The following RIMBP2 variants were observed in gnomAD, a reference collection of about 807,000 sequenced individuals.
RIMBP2 encodes RIMS binding protein 2.
In RIMBP2, 48 loss-of-function variants were observed where a neutral mutation model predicts 118.6. That is an observed-to-expected ratio of 0.40 (90% confidence interval 0.32 to 0.51). The LOEUF is 0.51. RIMBP2 is among the 20% of genes least tolerant of loss of function. The probability of loss-of-function intolerance (pLI) is 0.41; values close to 1 mark genes in which losing one functional copy is unlikely to be tolerated. For synonymous variants in RIMBP2, 762 were observed against 742.9 expected, an observed-to-expected ratio of 1.03 and a Z score of -0.42; for missense variants, 1,551 against 1,768.3, an observed-to-expected ratio of 0.88 and a Z score of 2.20.
intron 9 of RIMBP2, among the ~76,000 whole-genome samples, chr12:130,449,167 TG>T (rs2078785816): frequency 6.6e-6 from 1 of 152,214 alleles, no homozygotes; most frequent in Non-Finnish European, 1.5e-5. Context: ...GGAGCATCTG[TG>T]AGACAAAAGG....
At chr12:130,603,436 G>A (rs1300688533) in intron 2 of RIMBP2, among the ~76,000 whole-genome samples, 39 of 152,310 alleles carry the variant, frequency 2.6e-4, no homozygotes. Flanking sequence ...ACCCAATAGA[G>A]AAATGGATAA....
In RIMBP2 at chr12:130,581,094, C is replaced by T. The variant is rs2058452358; in HGVS notation, c.-217+47228G>A. Among the ~76,000 whole-genome samples, 2 of 152,194 alleles carry T rather than the reference C, an allele frequency of 1.3e-5. No homozygotes were observed. The highest frequency in any genetic ancestry group is 4.8e-5 in the African/African-American group (2 of 41,430). ...ACCCTCATCCTGCCCTTCACCTGCT[C>T]ATATTCATGGGCCAGGCACTGGGGG... is the stretch of plus-strand genomic sequence containing the variant. On this transcript the variant is annotated intron_variant, in intron 2 of 22. Transcript: ENST00000690449. This position sits in a 1 kb window ranked among gnomAD's most constrained non-coding sequence, Gnocchi z 4.4.
At chr12:130,702,602 G>A (rs531505086) in intron 1 of RIMBP2, among the ~76,000 whole-genome samples, 1 of 151,020 alleles carries the variant, frequency 6.6e-6, no homozygotes, top group Non-Finnish European at 1.5e-5. Context: ...GAGGGAGGAA[G>A]GAAGGAAGGA....
chr12:130,525,418 G>A lies in RIMBP2; in HGVS notation c.-216-7501C>T, dbSNP rs1225005644. Among the ~76,000 whole-genome samples the A allele has an allele frequency of 6.6e-6, 1 of 152,170 alleles. No individual in the cohort carries two copies. The highest frequency in any genetic ancestry group is 2.4e-5 in the African/African-American group (1 of 41,424). ...TTTTGCAGAGTGCTGGGTGAGAAGA[G>A]GCGCAGAGAGACAAGGTCATGCTTA... On this transcript the variant is annotated intron_variant, in intron 2 of 22. Coordinates refer to ENST00000690449, the MANE Select transcript of RIMBP2 (RefSeq NM_001393629.1). This position sits in a 1 kb window ranked among gnomAD's most constrained non-coding sequence, Gnocchi z 4.4.
intron 2 of RIMBP2, among the ~76,000 whole-genome samples, chr12:130,600,471 C>T (rs1049465614): frequency 1.3e-5 from 2 of 151,272 alleles, no homozygotes; most frequent in Admixed American, 6.6e-5. Flanking sequence ...CCCGTCTGGC[C>T]GGAAGGATGT....
intron 7 of RIMBP2, among the ~76,000 whole-genome samples, chr12:130,454,785 G>A (rs748247776): frequency 1.3e-5 from 2 of 152,208 alleles, no homozygotes; most frequent in African/African-American, 2.4e-5. Flanking sequence ...CCCTGTCCCG[G>A]GAGCTTTGCA....
chr12:130,699,800 G>T (rs1373248299), intron 1 of RIMBP2, among the ~76,000 whole-genome samples: 1 of 150,826 alleles, frequency 6.6e-6, no homozygotes, highest in Non-Finnish European at 1.5e-5. Context: ...CAGCTACTCG[G>T]GAGGCTGAGG....
chr12:130,544,874 C>G (rs11832524), intron 2 of RIMBP2, among the ~76,000 whole-genome samples: 1,687 of 152,196 alleles, frequency 0.011, 27 homozygotes, highest in African/African-American at 0.038. Flanking sequence ...GGCCTTTATA[C>G]TTCAGGTTGC....
At chr12:130,401,707 A>G (rs1185615365) in intron 21 of RIMBP2, among the ~76,000 whole-genome samples, 1 of 151,832 alleles carries the variant, frequency 6.6e-6, no homozygotes, top group Non-Finnish European at 1.5e-5. Flanking sequence ...ATTTCTTCCT[A>G]TCGAGGGTTT....
Position 130,478,905 on chromosome 12 carries a change from C to T in RIMBP2, c.102+7G>A, listed in dbSNP as rs370598221. ...TCGCACGCCGCGCCCGGCTGCCCGC[C>T]GCTTACCTTCTGCAGAAGGTCAATT... On this transcript the variant is annotated splice_region_variant and intron_variant, in intron 5 of 22. Coordinates refer to ENST00000690449, the MANE Select transcript of RIMBP2 (RefSeq NM_001393629.1). 4.4e-5 allele frequency: 70 copies of T among 1,608,846 alleles called. No individual in the cohort carries two copies. In the African/African-American group the frequency reaches 7.6e-4, roughly 17 times the overall value.
At chr12:130,454,815 G>A (rs1257613883) in intron 7 of RIMBP2, among the ~76,000 whole-genome samples, 1 of 152,224 alleles carries the variant, frequency 6.6e-6, no homozygotes, top group Non-Finnish European at 1.5e-5. Context: ...ACATTCACAT[G>A]CTGTGGGCCT....
At position 130,475,841 on chromosome 12, in the gene RIMBP2, T is replaced by C. The variant is rs917704024; in HGVS notation, c.102+3071A>G. On this transcript the variant is annotated intron_variant, in intron 5 of 22. Coordinates refer to ENST00000690449, the MANE Select transcript of RIMBP2 (RefSeq NM_001393629.1). This position sits in a 1 kb window ranked among gnomAD's most constrained non-coding sequence, Gnocchi z 4.1. The stretch of plus-strand genomic sequence containing the variant: ...CGGAGCTCAAGGAGTTCAGCAGAAG[T>C]GCAGGTGTTGGTGAGGACAGAGGGG... Among the ~76,000 whole-genome samples the C allele has an allele frequency of 1.3e-5, 2 of 151,752 alleles. No individual in the cohort carries two copies. The highest frequency in any genetic ancestry group is 4.8e-5 in the African/African-American group (2 of 41,268).
chr12:130,429,878 A>G (rs1456661658), intron 14 of RIMBP2: 1 of 152,212 alleles, frequency 6.6e-6, no homozygotes, highest in African/African-American at 2.4e-5. Flanking sequence ...GGAAGGCACG[A>G]AAGCGAACTG....
chr12:130,684,625 G>T (rs1441519952), intron 1 of RIMBP2, among the ~76,000 whole-genome samples: 1 of 152,158 alleles, frequency 6.6e-6, no homozygotes, highest in African/African-American at 2.4e-5. Flanking sequence ...CCCAGACTTA[G>T]GAGTGTCCTG....
At chr12:130,591,584 C>CG (rs370943214) in intron 2 of RIMBP2, among the ~76,000 whole-genome samples, 3 of 143,044 alleles carry the variant, frequency 2.1e-5, no homozygotes, top group East Asian at 4.8e-4. Context: ...CGGGGAGGGG[C>CG]GGGGGGGCTC....
chr12:130,631,259 G>A (rs914302243), intron 1 of RIMBP2, among the ~76,000 whole-genome samples: 12 of 152,196 alleles, frequency 7.9e-5, no homozygotes, highest in African/African-American at 2.7e-4. Flanking sequence ...CGAAAGGGAT[G>A]TAACCACAGT....
chr12:130,571,314 A>G (rs959816773), intron 2 of RIMBP2, among the ~76,000 whole-genome samples: 5 of 151,906 alleles, frequency 3.3e-5, no homozygotes, highest in African/African-American at 1.2e-4. Context: ...AGGTCTAGGA[A>G]CTGCAACTCC....
rs1327649195 is a variant in RIMBP2 at position 130,475,362 on chromosome 12, T to A, written c.102+3550A>T. Among the ~76,000 whole-genome samples, 1 of 152,176 alleles carries A rather than the reference T, an allele frequency of 6.6e-6. No individual in the cohort carries two copies. The highest frequency in any genetic ancestry group is 1.5e-5 in the Non-Finnish European group (1 of 68,036). ...TTAGACGCCTGAATGTCCAGCACCC[T>A]CTCAAGGGTGGTCAGGTCTGGGGGT... On this transcript the variant is annotated intron_variant, in intron 5 of 22. Coordinates refer to ENST00000690449, the MANE Select transcript of RIMBP2 (RefSeq NM_001393629.1). The surrounding 1 kb of genome is among the most constrained non-coding windows in gnomAD (Gnocchi z 4.1).
intron 19 of RIMBP2, among the ~76,000 whole-genome samples, chr12:130,408,090 A>G (rs961009789): frequency 4.6e-5 from 7 of 152,142 alleles, no homozygotes; most frequent in Non-Finnish European, 5.9e-5. Flanking sequence ...CAGTCTGTCC[A>G]TTAAACCAGT....
Sources: gnomAD v4.1 joint callset for allele counts (sites outside exome capture counted in the v4.1 genomes callset) on GRCh38, gnomAD v4.1.1 for gene constraint, Gnocchi (gnomAD v3.1) non-coding constraint, MANE v1.5 for transcripts, NCBI Gene and HGNC (gene_info 2026-07-23, HGNC 2026-07-21) for gene names.